The following SDK1 variants were observed in gnomAD, a reference collection of about 807,000 sequenced individuals.
SDK1 encodes the protein sidekick cell adhesion molecule 1.
SDK1 carries 157 observed loss-of-function variants against 245.5 expected under a neutral mutation model. That is an observed-to-expected ratio of 0.64 (90% CI 0.56 to 0.73). The LOEUF is 0.73. SDK1 is among the 30% of genes least tolerant of loss of function. SDK1 has a pLI of 0.00. For missense variants in SDK1, 3,583 were observed against 3,002.3 expected (o/e 1.19, Z -4.52); for synonymous variants, 1,647 against 1,278.5 (o/e 1.29, Z -6.15).
intron 5 of SDK1, among the ~76,000 whole-genome samples, chr7:3,876,344 G>A (rs932960384): frequency 1.3e-5 from 2 of 152,170 alleles, no homozygotes; most frequent in Non-Finnish European, 2.9e-5. Flanking sequence ...ACAAGTTTTT[G>A]ACATCCAATG....
In SDK1 at chr7:3,659,605, G is replaced by A. The variant is rs78911430; in HGVS notation, c.713+17500G>A. On this transcript the variant is annotated intron_variant, in intron 4 of 44. Coordinates refer to ENST00000404826, the MANE Select transcript of SDK1 (RefSeq NM_152744.4). ...GTCGGCAGGGACTAGATTGTGCTGG[G>A]TTTTGTCTGTGGAAACGAGTGAATT... Among the ~76,000 whole-genome samples, 1,090 of 152,294 alleles carry A rather than the reference G, an allele frequency of 7.2e-3. 15 individuals are homozygous for A. The highest frequency in any genetic ancestry group is 0.024 in the African/African-American group (1,017 of 41,554).
At chr7:3,322,964 C>T (rs1356492109) in intron 1 of SDK1, among the ~76,000 whole-genome samples, 1 of 152,088 alleles carries the variant, frequency 6.6e-6, no homozygotes, top group Non-Finnish European at 1.5e-5. Flanking sequence ...TGTGTGCCGC[C>T]ACACCTGGCT....
At chr7:3,468,438 A>G (rs1346468720) in intron 1 of SDK1, among the ~76,000 whole-genome samples, 4 of 152,106 alleles carry the variant, frequency 2.6e-5, no homozygotes, top group East Asian at 1.9e-4. Context: ...AGAAACTAGA[A>G]TTTGTCTTCC....
At chr7:3,915,070 G>T (rs772363481) in intron 5 of SDK1, among the ~76,000 whole-genome samples, 22 of 152,244 alleles carry the variant, frequency 1.4e-4, no homozygotes, top group Non-Finnish European at 2.5e-4. Flanking sequence ...TCTCTTGTAC[G>T]GCCGTGGAAT....
At chr7:3,927,014 G>A (rs1276078496) in intron 5 of SDK1, among the ~76,000 whole-genome samples, 2 of 152,262 alleles carry the variant, frequency 1.3e-5, no homozygotes, top group African/African-American at 4.8e-5. Context: ...TGCCTCCACC[G>A]CGCTCTCAGC....
intron 5 of SDK1, among the ~76,000 whole-genome samples, chr7:3,922,928 T>A (rs1466135445): frequency 6.6e-6 from 1 of 152,264 alleles, no homozygotes; most frequent in African/African-American, 2.4e-5. Flanking sequence ...ATTTTGCTTA[T>A]CTTTTCCTCA....
intron 1 of SDK1, among the ~76,000 whole-genome samples, chr7:3,403,602 T>C (rs1181282934): frequency 6.6e-6 from 1 of 151,268 alleles, no homozygotes; most frequent in Non-Finnish European, 1.5e-5. Flanking sequence ...GATATCTGAG[T>C]AAAGAGTAAA....
rs536759814 is a variant in SDK1 at position 4,067,964 on chromosome 7, A to G, written c.3010+28A>G. On this transcript the variant is annotated intron_variant, in intron 20 of 44. Transcript: ENST00000404826. ...AAGTAGGCCTGTCCTTCAAAAAAGGAAAAGATAAGTTTGTCCTCACAAAAA... is the reference window on the plus strand; with the variant it reads ...AAGTAGGCCTGTCCTTCAAAAAAGGGAAAGATAAGTTTGTCCTCACAAAAA... 40 of 1,525,384 alleles carry G rather than the reference A, an allele frequency of 2.6e-5. 2 individuals carry two copies. The South Asian group carries it at 4.5e-4, about 17-fold the overall frequency. 94.5% of individuals were successfully genotyped at this position (1,525,384 alleles called of 1,614,324 possible).
At chr7:3,630,267 A>T (rs1782250000) in intron 2 of SDK1, among the ~76,000 whole-genome samples, 2 of 152,354 alleles carry the variant, frequency 1.3e-5, no homozygotes, top group South Asian at 4.1e-4. Flanking sequence ...CAGTGCAATA[A>T]GGCAAGAAAA....
At chr7:3,935,079 A>C (rs1431411682) in intron 5 of SDK1, among the ~76,000 whole-genome samples, 1 of 152,210 alleles carries the variant, frequency 6.6e-6, no homozygotes, top group Non-Finnish European at 1.5e-5. Flanking sequence ...TAAGCCGGTC[A>C]TATCTCTGGC....
intron 1 of SDK1, among the ~76,000 whole-genome samples, chr7:3,417,028 G>T (rs1779386167): frequency 6.6e-6 from 1 of 152,034 alleles, no homozygotes; most frequent in Admixed American, 6.5e-5. Context: ...ACAAAAATTA[G>T]CTGGGCATGA....
chr7:3,342,504 C>G (rs1318264816), intron 1 of SDK1, among the ~76,000 whole-genome samples: 12 of 152,040 alleles, frequency 7.9e-5, no homozygotes, highest in Non-Finnish European at 1.5e-4. Flanking sequence ...AGGAGACTCG[C>G]TTGAACCCAG....
intron 28 of SDK1, among the ~76,000 whole-genome samples, chr7:4,145,365 C>T (rs1779890293): frequency 1.3e-5 from 2 of 152,140 alleles, no homozygotes; most frequent in Non-Finnish European, 2.9e-5. Flanking sequence ...GAGAGCCAGA[C>T]TGCAGGAGGG....
chr7:4,266,641 C>G lies in SDK1; in HGVS notation c.*1257C>G. 1 of 985,450 alleles carries G rather than the reference C, an allele frequency of 1.0e-6. No homozygotes were observed. Among genetic ancestry groups the G allele is most frequent in the Non-Finnish European group, 1.2e-6 (1 of 829,938 alleles). The allele number at this position is 985,450 out of a possible 1,614,324, so 61.0% of individuals were successfully genotyped here. On this transcript the variant is annotated 3_prime_UTR_variant, in exon 45 of 45. Coordinates refer to ENST00000404826, the MANE Select transcript of SDK1 (RefSeq NM_152744.4). ...AGCTAGATGAAAAGAGTATGAACTA[C>G]TTTGGAAAACTTAACAGCTCAGAGA... is the stretch of plus-strand genomic sequence containing the variant.
intron 1 of SDK1, among the ~76,000 whole-genome samples, chr7:3,445,898 G>GT (rs202176593): frequency 2.0e-5 from 3 of 150,622 alleles, no homozygotes; most frequent in African/African-American, 7.3e-5. Context: ...TATCACTTTT[G>GT]TTTTTTTCAA....
At chr7:3,728,816 G>C (rs1779087945) in intron 4 of SDK1, among the ~76,000 whole-genome samples, 1 of 152,088 alleles carries the variant, frequency 6.6e-6, no homozygotes, top group South Asian at 2.1e-4. Flanking sequence ...ATGTTGGTCA[G>C]GCTGGTCTCA....
chr7:3,352,038 A>G (rs954503014), intron 1 of SDK1, among the ~76,000 whole-genome samples: 5 of 151,750 alleles, frequency 3.3e-5, no homozygotes, highest in Admixed American at 6.6e-5. Flanking sequence ...TTCTTACGGA[A>G]TTATAGAAGG....
At chr7:3,685,371 C>G (rs1391991092) in intron 4 of SDK1, among the ~76,000 whole-genome samples, 1 of 152,070 alleles carries the variant, frequency 6.6e-6, no homozygotes, top group Non-Finnish European at 1.5e-5. Context: ...TAAAAACATC[C>G]TTCAAAAATG....
At chr7:3,855,484 C>A (rs907647907) in intron 5 of SDK1, among the ~76,000 whole-genome samples, 1 of 151,992 alleles carries the variant, frequency 6.6e-6, no homozygotes, top group Non-Finnish European at 1.5e-5. Context: ...AGGCTGAAGA[C>A]AAAAGTGAAT....
Sources: allele counts gnomAD v4.1 joint callset (sites outside exome capture counted in the v4.1 genomes callset), GRCh38; gene constraint gnomAD v4.1.1; transcripts MANE v1.5; gene names NCBI Gene and HGNC (gene_info 2026-07-23, HGNC 2026-07-21).